EDNRB: variants seen among roughly 807,000 people sequenced by gnomAD.
EDNRB encodes endothelin receptor type B.
Under a neutral mutation model 46.4 loss-of-function variants are expected in EDNRB, and 18 were observed. That is an observed-to-expected ratio of 0.39 (90% CI 0.27 to 0.57). The LOEUF (loss-of-function observed/expected upper bound fraction) is 0.57, where lower values mean the gene tolerates loss of function less well. Ranked by LOEUF, EDNRB falls within the 20% of genes least tolerant of loss-of-function variation. The pLI, the probability that EDNRB is intolerant of heterozygous loss-of-function variation, is 0.61. For synonymous variants in EDNRB, 213 were observed against 204.9 expected (o/e 1.04, Z -0.34); for missense variants, 434 against 537.5 (o/e 0.81, Z 1.90).
At chr13:77,975,177 C>T (rs1881851714) in intron 1 of EDNRB, among the ~76,000 whole-genome samples, 1 of 152,180 alleles carries the variant, frequency 6.6e-6, no homozygotes, top group Non-Finnish European at 1.5e-5. Flanking sequence ...GTGATCAGGC[C>T]ATGCTTCCAC....
chr13:77,904,873 G>A (rs1879196232), intron 1 of EDNRB, among the ~76,000 whole-genome samples: 1 of 151,934 alleles, frequency 6.6e-6, no homozygotes, highest in South Asian at 2.1e-4. Flanking sequence ...AGACACAATG[G>A]AGTCTTTCCA....
intron 1 of EDNRB, among the ~76,000 whole-genome samples, chr13:77,937,873 C>T (rs1490070796): frequency 6.6e-6 from 1 of 152,044 alleles, no homozygotes; most frequent in East Asian, 1.9e-4. Context: ...TTGGGATGAG[C>T]TGCATCGGGA....
intron 1 of EDNRB, among the ~76,000 whole-genome samples, chr13:77,955,501 T>C (rs1208154833): frequency 1.3e-5 from 2 of 152,192 alleles, no homozygotes; most frequent in Admixed American, 6.5e-5. Context: ...ATTTTGGCTT[T>C]TGTTGCTTAT....
chr13:77,919,755 C>T (rs1190768093), upstream of EDNRB: 3 of 758,462 alleles, frequency 4.0e-6, 1 homozygote, highest in Admixed American at 8.7e-5. Flanking sequence ...GGGACAGGTC[C>T]CAAAAGGCTG....
At chr13:77,955,317 T>G (rs550794033) in intron 1 of EDNRB, among the ~76,000 whole-genome samples, 1 of 152,156 alleles carries the variant, frequency 6.6e-6, no homozygotes, top group Admixed American at 6.5e-5. Flanking sequence ...AAAATTAAAT[T>G]GTTCATTTTC....
At chr13:77,962,859 AT>A (rs1881467960) in intron 1 of EDNRB, among the ~76,000 whole-genome samples, 2 of 152,212 alleles carry the variant, frequency 1.3e-5, no homozygotes, top group South Asian at 4.1e-4. Context: ...ACATGATTGT[AT>A]ATTTAGAAAA....
chr13:77,907,117 T>C (rs562680397), intron 1 of EDNRB, among the ~76,000 whole-genome samples: 2 of 152,050 alleles, frequency 1.3e-5, no homozygotes, highest in East Asian at 3.9e-4. Context: ...TGGTTAACTT[T>C]ATGTGTTAAC....
At chr13:77,907,733 C>T (rs3027111) in intron 1 of EDNRB, among the ~76,000 whole-genome samples, 32,669 of 151,504 alleles carry the variant, frequency 0.22, 4,025 homozygotes, top group East Asian at 0.57. Flanking sequence ...GCGTCCAGAC[C>T]ATTGAAGGGA....
intron 1 of EDNRB, among the ~76,000 whole-genome samples, chr13:77,954,759 G>A (rs189468039): frequency 3.4e-4 from 51 of 152,088 alleles, no homozygotes; most frequent in African/African-American, 1.2e-3. Context: ...CACCTGCCTC[G>A]GCCTCCCAAA....
chr13:77,921,171 T>C (rs964110593), upstream of EDNRB, among the ~76,000 whole-genome samples: 2 of 152,234 alleles, frequency 1.3e-5, no homozygotes, highest in Non-Finnish European at 2.9e-5. Flanking sequence ...GAATGAGTTA[T>C]ATGTTCTTTC....
At chr13:77,970,574 T>A (rs940539916) in intron 1 of EDNRB, among the ~76,000 whole-genome samples, 1 of 152,118 alleles carries the variant, frequency 6.6e-6, no homozygotes, top group African/African-American at 2.4e-5. Flanking sequence ...CTCAGGGGGC[T>A]ATTTATTATC....
chr13:77,934,154 A>G (rs1383051807), intron 1 of EDNRB, among the ~76,000 whole-genome samples: 4 of 152,208 alleles, frequency 2.6e-5, no homozygotes, highest in Admixed American at 1.3e-4. Flanking sequence ...TGCGTAGTTG[A>G]GAACGGTCAA....
intron 1 of EDNRB, among the ~76,000 whole-genome samples, chr13:77,941,765 C>T (rs1451509554): frequency 2.0e-5 from 3 of 152,126 alleles, no homozygotes; most frequent in Non-Finnish European, 2.9e-5. Flanking sequence ...CTGTTTGGCA[C>T]ATAATAAATA....
chr13:77,917,584 T>C lies in EDNRB; in HGVS notation c.483+507A>G, dbSNP rs149086326. Reference sequence around the variant, plus strand: ...CTTGCATTCCTAACAAACTCTCAGGTAATATTGATGCTGACTGTCCATGGA... The same window carrying C: ...CTTGCATTCCTAACAAACTCTCAGGCAATATTGATGCTGACTGTCCATGGA... On this transcript the variant is annotated intron_variant, in intron 1 of 6. Transcript: ENST00000646607. Among the ~76,000 whole-genome samples the C allele has an allele frequency of 3.1e-3, 470 of 152,262 alleles. 6 individuals carry two copies. Among genetic ancestry groups the C allele is most frequent in the African/African-American group, 0.011 (442 of 41,554 alleles).
rs532963667 is a variant in EDNRB, at chr13:77,897,996, A to G, written c.*204T>C. ...GTGCTTTCACGACGAGGCTTTCTTA[A>G]TTCCCACTGATTTTCTTTCCATGCC... On this transcript the variant is annotated 3_prime_UTR_variant, in exon 7 of 7. Coordinates refer to ENST00000646607, the MANE Select transcript of EDNRB (RefSeq NM_001122659.3). The G allele has an allele frequency of 2.2e-5, 30 of 1,372,582 alleles. No individual in the cohort carries two copies. The South Asian group carries it at 4.8e-4, about 22-fold the overall frequency. 85.0% of individuals were successfully genotyped at this position (1,372,582 alleles called of 1,614,324 possible).
intron 3 of EDNRB, 97 bp from the exon 4 acceptor site, chr13:77,901,304 A>G (rs1440992882): frequency 3.1e-6 from 4 of 1,292,742 alleles, no homozygotes; most frequent in Non-Finnish European, 4.3e-6. Flanking sequence ...GGGAATGATT[A>G]TCTTCTAAAT....
intron 1 of EDNRB, among the ~76,000 whole-genome samples, chr13:77,960,300 A>G (rs1881366270): frequency 6.6e-6 from 1 of 152,210 alleles, no homozygotes; most frequent in Admixed American, 6.5e-5. Flanking sequence ...AGGTCGGGTT[A>G]CCCACAAAGG....
chr13:77,922,399 C>T (rs1029603210), upstream of EDNRB, among the ~76,000 whole-genome samples: 14 of 152,112 alleles, frequency 9.2e-5, no homozygotes, highest in Non-Finnish European at 1.8e-4. Flanking sequence ...GGTGACAGAA[C>T]AAAGAAAAGC....
chr13:77,900,886 T>G (rs956485720), intron 4 of EDNRB, among the ~76,000 whole-genome samples, 172 bp downstream of exon 4: 1 of 151,872 alleles, frequency 6.6e-6, no homozygotes, highest in Non-Finnish European at 1.5e-5. Context: ...ATAGAATATC[T>G]CCAAATAAAT....
Sources: allele counts gnomAD v4.1 joint callset (sites outside exome capture counted in the v4.1 genomes callset), GRCh38; gene constraint gnomAD v4.1.1; transcripts MANE v1.5; gene names NCBI Gene and HGNC (gene_info 2026-07-23, HGNC 2026-07-21).